Variants in NEXMIF observed in about 807,000 individuals in gnomAD.
NEXMIF encodes the protein XLMR protein related to neurite extension.
Under a neutral mutation model 62.1 loss-of-function variants are expected in NEXMIF, and 8 were observed. The ratio of observed to expected loss-of-function variants is 0.13; its 90% CI spans 0.08 to 0.23. NEXMIF has a LOEUF of 0.23. Ranked by LOEUF, NEXMIF falls within the 10% of genes least tolerant of loss-of-function variation. The probability of loss-of-function intolerance (pLI) is 1.00; values close to 1 mark genes in which losing one functional copy is unlikely to be tolerated. For synonymous variants in NEXMIF, 404 were observed against 416.6 expected, an observed-to-expected ratio of 0.97 and a Z score of 0.37; for missense variants, 976 against 1,113.3, an observed-to-expected ratio of 0.88 and a Z score of 1.75.
chrX:74,807,487 G>A (rs1370834356), intron 1 of NEXMIF, among the ~76,000 whole-genome samples: 1 of 109,706 alleles, frequency 9.1e-6, no homozygotes, highest in Non-Finnish European at 1.9e-5. Context: ...TTTTGACATG[G>A]AGTCTTGCTT....
At chrX:74,919,469 C>T (rs2080818763) in intron 1 of NEXMIF, among the ~76,000 whole-genome samples, 2 of 111,325 alleles carry the variant, frequency 1.8e-5, no homozygotes, top group Admixed American at 9.6e-5. Flanking sequence ...AAGGTGATCA[C>T]AAAATTCTTT....
At chrX:74,775,378 C>T (rs1309312944) in intron 1 of NEXMIF, among the ~76,000 whole-genome samples, 1 of 111,376 alleles carries the variant, frequency 9.0e-6, no homozygotes, top group African/African-American at 3.3e-5. Flanking sequence ...AAGGTGAAGG[C>T]CAGTATTATT....
At chrX:74,784,310 A>G (rs1240532375) in intron 1 of NEXMIF, among the ~76,000 whole-genome samples, 1 of 111,718 alleles carries the variant, frequency 9.0e-6, no homozygotes, top group African/African-American at 3.3e-5. Context: ...TAGTGAAACA[A>G]TTTGGCTTAT....
intron 1 of NEXMIF, among the ~76,000 whole-genome samples, chrX:74,783,336 G>A (rs1418170767): frequency 8.9e-6 from 1 of 111,822 alleles, no homozygotes; most frequent in Admixed American, 9.5e-5. Flanking sequence ...AGATAAGGTA[G>A]GGAAAGGAGT....
chrX:74,741,732 C>A lies in NEXMIF; in HGVS notation c.2825G>T (p.Gly942Val). ...ATACAGGACCTTGTTGCAATTACTG[C>A]CACCACTATTGAGACAGATTGGATT... Reference protein sequence around the residue: ...TYNPICLNSGGSNCNKVLYDS... With the variant: ...TYNPICLNSGVSNCNKVLYDS... The change falls in exon 3 of 4, where the codon GGC (glycine) becomes GTC (valine). Residue 942 changes from glycine to valine, a missense_variant. Physicochemically the swap from Gly to Val is moderately radical, Grantham distance 109 (BLOSUM62 -3). Transcript: ENST00000055682. The A allele has an allele frequency of 8.3e-7, 1 of 1,211,015 alleles. No individual in the cohort carries two copies. The highest frequency in any genetic ancestry group is 1.8e-5 in the South Asian group (1 of 56,961).
rs769979162 is a variant in NEXMIF, at chrX:74,740,237, G to A, written c.4320C>T (p.Asn1440=). ...GATACAACTTTTTGTGTGTCGGTCC[G>A]TTATTGCCTAAAGTGCTCATGTTAC... ...KYSNMSTLGN[N]GPTHKKLYRH... Residue 1440 remains asparagine (N), a synonymous_variant, in exon 3 of 4, where the codon AAC becomes AAT. Coordinates refer to ENST00000055682, the MANE Select transcript of NEXMIF (RefSeq NM_001008537.3). 5.1e-5 allele frequency: 62 copies of A among 1,209,522 alleles called. No homozygotes were observed. In the African/African-American group the frequency reaches 8.6e-4, roughly 17 times the overall value.
chrX:74,895,250 C>T (rs1241048339), intron 1 of NEXMIF, among the ~76,000 whole-genome samples: 3 of 111,164 alleles, frequency 2.7e-5, no homozygotes, highest in Non-Finnish European at 5.7e-5. Context: ...TAGGAATTAA[C>T]CAAATAAGTG....
intron 1 of NEXMIF, among the ~76,000 whole-genome samples, chrX:74,805,128 T>C (rs1177878781): frequency 9.0e-6 from 1 of 111,730 alleles, no homozygotes; most frequent in Non-Finnish European, 1.9e-5. Context: ...AGAGGAGGGG[T>C]CATATCTGCA....
intron 1 of NEXMIF, among the ~76,000 whole-genome samples, chrX:74,830,062 C>T (rs936874411): frequency 9.0e-6 from 1 of 111,551 alleles, no homozygotes; most frequent in Admixed American, 9.6e-5. Flanking sequence ...GATATGATCC[C>T]ATTTGTCCAC....
chrX:74,866,555 A>AG (rs2080579867), intron 1 of NEXMIF, among the ~76,000 whole-genome samples: 1 of 112,242 alleles, frequency 8.9e-6, no homozygotes, highest in Non-Finnish European at 1.9e-5. Flanking sequence ...GAGATTTGGA[A>AG]GGGGCCAAGG....
intron 1 of NEXMIF, among the ~76,000 whole-genome samples, chrX:74,751,691 T>G (rs1286918947): frequency 5.2e-5 from 4 of 77,450 alleles, no homozygotes; most frequent in Non-Finnish European, 9.6e-5. Context: ...CCCTCCCTCT[T>G]TTCTTCCTTC....
rs1260633818 is a variant in NEXMIF, at chrX:74,798,542, T to C, written c.-47-52845A>G. Among the ~76,000 whole-genome samples, 3 of 112,385 alleles carry C rather than the reference T, an allele frequency of 2.7e-5. No homozygotes were observed. The Admixed American group carries it at 2.8e-4, about 11-fold the overall frequency. On this transcript the variant is annotated intron_variant, in intron 1 of 3. Transcript: ENST00000055682. The stretch of plus-strand genomic sequence containing the variant: ...CATCTTTGTATTTAGATAATTCTAA[T>C]AAAGAGCAAGGTGGACATTTGGGCC...
At chrX:74,797,507 C>T (rs184795539) in intron 1 of NEXMIF, among the ~76,000 whole-genome samples, 34 of 111,306 alleles carry the variant, frequency 3.1e-4, no homozygotes, top group Admixed American at 9.5e-5. Flanking sequence ...AAACCATGTT[C>T]ACACACACAC....
At chrX:74,758,215 A>G (rs1326884155) in intron 1 of NEXMIF, among the ~76,000 whole-genome samples, 1 of 110,972 alleles carries the variant, frequency 9.0e-6, no homozygotes, top group Non-Finnish European at 1.9e-5. Flanking sequence ...AATTAAAATC[A>G]TCTTTTAAAA....
At chrX:74,894,844 C>A (rs1023391448) in intron 1 of NEXMIF, among the ~76,000 whole-genome samples, 3 of 112,276 alleles carry the variant, frequency 2.7e-5, no homozygotes, top group African/African-American at 9.7e-5. Context: ...TAAAAGCCAT[C>A]TATGACAGAC....
intron 1 of NEXMIF, among the ~76,000 whole-genome samples, chrX:74,792,491 C>T (rs1466259321): frequency 9.4e-6 from 1 of 106,360 alleles, no homozygotes; most frequent in Non-Finnish European, 1.9e-5. Context: ...TCTATTAGGT[C>T]TGCTTGGTGC....
At chrX:74,863,133 C>T (rs1396238496) in intron 1 of NEXMIF, among the ~76,000 whole-genome samples, 5 of 106,994 alleles carry the variant, frequency 4.7e-5, no homozygotes, top group Non-Finnish European at 9.6e-5. Flanking sequence ...GTCCATGCCA[C>T]TGGACTCCAG....
chrX:74,907,983 T>A (rs768015203), intron 1 of NEXMIF, among the ~76,000 whole-genome samples: 2 of 110,930 alleles, frequency 1.8e-5, no homozygotes, highest in South Asian at 7.8e-4. Context: ...ACAGGCTGCT[T>A]CCCTCGGCAA....
chrX:74,790,617 G>A (rs2080278048), intron 1 of NEXMIF, among the ~76,000 whole-genome samples: 1 of 113,375 alleles, frequency 8.8e-6, no homozygotes, highest in African/African-American at 3.2e-5. Flanking sequence ...AGCATGGAAT[G>A]TTCTTCCATT....
Sources: allele counts gnomAD v4.1 joint callset (sites outside exome capture counted in the v4.1 genomes callset), GRCh38; gene constraint gnomAD v4.1.1; transcripts MANE v1.5; gene names NCBI Gene and HGNC (gene_info 2026-07-23, HGNC 2026-07-21).